ACTR1A: variants seen among roughly 807,000 people sequenced by gnomAD.
ACTR1A encodes alpha-centractin.
In ACTR1A, 10 loss-of-function variants were observed where a neutral mutation model predicts 50.7. The ratio of observed to expected loss-of-function variants is 0.20; its 90% CI spans 0.12 to 0.33. ACTR1A has a LOEUF of 0.33. ACTR1A is among the 10% of genes least tolerant of loss of function. The pLI is 1.00. For synonymous variants in ACTR1A, 177 were observed against 184.2 expected (o/e 0.96, Z 0.32); for missense variants, 253 against 491.7 (o/e 0.51, Z 4.59).
At position 102,482,146 on chromosome 10, in the gene ACTR1A, C is replaced by G; in HGVS notation, c.780G>C (p.Glu260Asp). 1 of 1,613,788 alleles carries G rather than the reference C, an allele frequency of 6.2e-7. No individual in the cohort carries two copies. The highest frequency in any genetic ancestry group is 8.5e-7 in the Non-Finnish European group (1 of 1,180,022). ...EIGPSRFRAP[E>D]LLFRPDLIGE... Reference sequence around the variant, plus strand: ...CAATCAAATCTGGCCTGAAGAGCAACTCAGGGGCCCGGAATCGGGAAGGAC... The same window carrying G: ...CAATCAAATCTGGCCTGAAGAGCAAGTCAGGGGCCCGGAATCGGGAAGGAC... The change falls in exon 8 of 11, where the codon GAG becomes GAC. Residue 260 changes from glutamate (E) to aspartate (D), a missense_variant. Physicochemically the swap from Glu to Asp is conservative, Grantham distance 45 (BLOSUM62 2). Transcript: ENST00000369905. This position sits in a 1 kb window ranked among gnomAD's most constrained non-coding sequence, Gnocchi z 5.6.
chr10:102,501,471 A>T (rs1259147397), intron 1 of ACTR1A, among the ~76,000 whole-genome samples: 2 of 152,266 alleles, frequency 1.3e-5, no homozygotes, highest in Non-Finnish European at 2.9e-5. Context: ...TACAAGGGAC[A>T]CAGACAGGGA....
At position 102,482,488 on chromosome 10, in the gene ACTR1A, C is replaced by A. The variant is rs146986812; in HGVS notation, c.751-313G>T. 3.8e-3 allele frequency: 1,520 copies of A among 401,038 alleles called. 13 individuals are homozygous for A. The highest frequency in any genetic ancestry group is 2.9e-3 in the Non-Finnish European group (644 of 219,356). 24.8% of individuals were successfully genotyped at this position (401,038 alleles called of 1,614,324 possible). ...GGGGGTTCAAGGGAGTGGTAACTCA[C>A]CCTACACTGCACCCAGGTGTGGTGA... is the stretch of plus-strand genomic sequence containing the variant. On this transcript the variant is annotated intron_variant, in intron 7 of 10. Transcript: ENST00000369905. This position sits in a 1 kb window ranked among gnomAD's most constrained non-coding sequence, Gnocchi z 5.6.
At chr10:102,491,625 G>A (rs562956506) in intron 1 of ACTR1A, among the ~76,000 whole-genome samples, 14 of 152,156 alleles carry the variant, frequency 9.2e-5, no homozygotes, top group Non-Finnish European at 2.1e-4. Context: ...GTCGAGTGAG[G>A]TGTCCAGAAA....
intron 1 of ACTR1A, among the ~76,000 whole-genome samples, chr10:102,493,712 T>C (rs1368261324): frequency 6.6e-6 from 1 of 152,276 alleles, no homozygotes; most frequent in African/African-American, 2.4e-5. Flanking sequence ...CACTTTCGTC[T>C]CTTTTCAGTT....
In ACTR1A at chr10:102,489,147, G is replaced by C. The variant is rs2062181388; in HGVS notation, c.114-9C>G. The C allele has an allele frequency of 6.4e-7, 1 of 1,551,714 alleles. No individual in the cohort carries two copies. Among genetic ancestry groups the C allele is most frequent in the Admixed American group, 1.9e-5 (1 of 52,008 alleles). Reference sequence around the variant, plus strand: ...GCTTGGGTCGGCCCACACTAGAAAAGACAGTGAGGAGGACCATCATTTTTC... The same window carrying C: ...GCTTGGGTCGGCCCACACTAGAAAACACAGTGAGGAGGACCATCATTTTTC... On this transcript the variant is annotated splice_polypyrimidine_tract_variant and intron_variant, in intron 2 of 10. Transcript: ENST00000369905.
intron 1 of ACTR1A, among the ~76,000 whole-genome samples, chr10:102,492,080 T>A (rs2062197526): frequency 1.5e-5 from 2 of 134,824 alleles, no homozygotes; most frequent in Admixed American, 1.5e-4. Flanking sequence ...TTTTTTTTTT[T>A]TTTTTTTTGA....
chr10:102,494,430 C>T (rs1038656458), intron 1 of ACTR1A, among the ~76,000 whole-genome samples: 1 of 152,066 alleles, frequency 6.6e-6, no homozygotes, highest in African/African-American at 2.4e-5. Context: ...CCCGGGAGGT[C>T]GAGACCAGCC....
chr10:102,493,672 AT>A (rs1274218745), intron 1 of ACTR1A, among the ~76,000 whole-genome samples: 1 of 152,246 alleles, frequency 6.6e-6, no homozygotes, highest in Non-Finnish European at 1.5e-5. Flanking sequence ...CATGCACTTC[AT>A]TCTGCTTTTT....
In ACTR1A at chr10:102,484,224, A is replaced by G; in HGVS notation, c.593T>C (p.Leu198Pro). 6.2e-7 allele frequency: 1 copy of G among 1,614,174 alleles called. No individual in the cohort carries two copies. The highest frequency in any genetic ancestry group is 8.5e-7 in the Non-Finnish European group (1 of 1,180,030). The change falls in exon 6 of 11, where the codon CTG becomes CCG. Residue 198 changes from leucine to proline, a missense_variant. This residue lies in a region of ACTR1A where 116 missense variants were observed against 155.9 expected (regional missense o/e 0.74). Coordinates refer to ENST00000369905, the MANE Select transcript of ACTR1A (RefSeq NM_005736.4). ...GTGGAAGTCGTAGCCCTCCTTACGC[A>G]GGTAGAGGCGCAGGAAGCGAGAGAC... is the stretch of plus-strand genomic sequence containing the variant. ...RDVSRFLRLY[L>P]RKEGYDFHSS...
rs568276233 is a variant in ACTR1A, at chr10:102,480,702, G to T, written c.*161C>A. The T allele has an allele frequency of 3.0e-6, 2 of 660,400 alleles. No individual in the cohort carries two copies. The highest frequency in any genetic ancestry group is 5.3e-5 in the East Asian group (2 of 37,752). The allele number at this position is 660,400 out of a possible 1,614,324, so 40.9% of individuals were successfully genotyped here. On this transcript the variant is annotated 3_prime_UTR_variant, in exon 11 of 11. Transcript: ENST00000369905. ...CTGCAGGTAGTTCATCGTCCTTTCT[G>T]GGCCCAGGGTCCCAGGGCCACACGG...
At chr10:102,500,071 G>C (rs1052837417) in intron 1 of ACTR1A, among the ~76,000 whole-genome samples, 2 of 152,150 alleles carry the variant, frequency 1.3e-5, no homozygotes, top group Admixed American at 1.3e-4. Context: ...CTAAACCTGT[G>C]GGAGAATATC....
intron 1 of ACTR1A, among the ~76,000 whole-genome samples, chr10:102,497,885 G>C (rs1198988307): frequency 6.7e-6 from 1 of 149,064 alleles, no homozygotes; most frequent in African/African-American, 2.5e-5. Context: ...TTCAGCCCAG[G>C]AGTTCTAGAT....
In ACTR1A at chr10:102,502,609, C is replaced by G. The variant is rs1264507563; in HGVS notation, c.39G>C (p.Val13=). ...GAAAGACGCAACTCACGTTGTCGAT[C>G]ACGACAGGCTGGTTGGCGATCACAT... ...SYDVIANQPV[V]IDNGSGVIKA... The change falls in exon 1 of 11, where the codon GTG becomes GTC. Residue 13 remains valine, a synonymous_variant. Coordinates refer to ENST00000369905, the MANE Select transcript of ACTR1A (RefSeq NM_005736.4). 5 of 1,614,118 alleles carry G rather than the reference C, an allele frequency of 3.1e-6. No homozygotes were observed. Among genetic ancestry groups the G allele is most frequent in the Non-Finnish European group, 4.2e-6 (5 of 1,180,036 alleles).
At chr10:102,490,299 G>C (rs929765512) in intron 2 of ACTR1A, among the ~76,000 whole-genome samples, 8 of 150,536 alleles carry the variant, frequency 5.3e-5, no homozygotes, top group African/African-American at 2.0e-4. Flanking sequence ...TGGGTGATAG[G>C]AGAATTTTAA....
chr10:102,490,232 C>CAAAAA (rs145472595), intron 2 of ACTR1A, among the ~76,000 whole-genome samples: 7 of 45,710 alleles, frequency 1.5e-4, no homozygotes, highest in East Asian at 4.5e-4. Flanking sequence ...GACTCCGTCT[C>CAAAAA]AAAAAAAAAA....
rs557336123 is a variant in ACTR1A, at chr10:102,482,240, T to C, written c.751-65A>G. On this transcript the variant is annotated intron_variant, in intron 7 of 10. Coordinates refer to ENST00000369905, the MANE Select transcript of ACTR1A (RefSeq NM_005736.4). This position sits in a 1 kb window ranked among gnomAD's most constrained non-coding sequence, Gnocchi z 5.6. ...ACCAAGGTCCCTTTGGGAGTGGGAATGGAAGACGCCCCTCTGCACGTCACT... is the reference window on the plus strand; with the variant it reads ...ACCAAGGTCCCTTTGGGAGTGGGAACGGAAGACGCCCCTCTGCACGTCACT... 550 of 1,511,228 alleles carry C rather than the reference T, an allele frequency of 3.6e-4. 1 individual carries two copies. The highest frequency in any genetic ancestry group is 5.1e-4 in the Middle Eastern group (3 of 5,832). 93.6% of individuals were successfully genotyped at this position (1,511,228 alleles called of 1,614,324 possible). A position where few individuals can be genotyped will look rare whatever the true frequency, so the allele number is the denominator to read the frequency against.
chr10:102,486,119 T>A (rs2062166973), intron 4 of ACTR1A, among the ~76,000 whole-genome samples: 1 of 152,142 alleles, frequency 6.6e-6, no homozygotes, highest in South Asian at 2.1e-4. Flanking sequence ...AGGAGGTGAA[T>A]GGCAGGTAAG....
At chr10:102,493,873 A>G (rs2062206879) in intron 1 of ACTR1A, among the ~76,000 whole-genome samples, 5 of 152,254 alleles carry the variant, frequency 3.3e-5, no homozygotes, top group Admixed American at 3.3e-4. Flanking sequence ...GAAATGACAG[A>G]AGCCCCAGGC....
rs959243370 is a variant in ACTR1A at position 102,482,495 on chromosome 10, C to T, written c.751-320G>A. 11 of 388,156 alleles carry T rather than the reference C, an allele frequency of 2.8e-5. 1 individual carries two copies. The highest frequency in any genetic ancestry group is 1.8e-4 in the African/African-American group (9 of 48,760). 24.0% of individuals were successfully genotyped at this position (388,156 alleles called of 1,614,324 possible). A position where few individuals can be genotyped will look rare whatever the true frequency, so the allele number is the denominator to read the frequency against. On this transcript the variant is annotated intron_variant, in intron 7 of 10. Transcript: ENST00000369905. The surrounding 1 kb of genome is among the most constrained non-coding windows in gnomAD (Gnocchi z 5.6). ...CAAGGGAGTGGTAACTCACCCTACA[C>T]TGCACCCAGGTGTGGTGAAGGATGG...
Sources: gnomAD v4.1 joint callset for allele counts (sites outside exome capture counted in the v4.1 genomes callset) on GRCh38, gnomAD v4.1.1 for gene constraint, gnomAD v4.1.1 regional missense constraint, Gnocchi (gnomAD v3.1) non-coding constraint, MANE v1.5 for transcripts, NCBI Gene and HGNC (gene_info 2026-07-23, HGNC 2026-07-21) for gene names.